The following ZNF397 variants were observed in gnomAD, a reference collection of about 807,000 sequenced individuals.
The protein encoded by ZNF397 is zinc finger and SCAN domain-containing protein 15.
ZNF397 carries 38 observed loss-of-function variants against 50.6 expected under a neutral mutation model. The ratio of observed to expected loss-of-function variants is 0.75; its 90% CI spans 0.58 to 0.98. The LOEUF (loss-of-function observed/expected upper bound fraction) is 0.98. Ranked by LOEUF, ZNF397 falls within the 50% of genes least tolerant of loss-of-function variation. The pLI, the probability that ZNF397 is intolerant of heterozygous loss-of-function variation, is 0.00. For synonymous variants in ZNF397, 228 were observed against 215.2 expected, an observed-to-expected ratio of 1.06 and a Z score of -0.52; for missense variants, 624 against 624.1, an observed-to-expected ratio of 1.00 and a Z score of 0.00.
chr18:35,241,865 T>C lies in ZNF397; in HGVS notation c.-80-526T>C, dbSNP rs979785290. On this transcript the variant is annotated intron_variant, in intron 1 of 3. Transcript: ENST00000330501. ...AATATTTACATCAACTCATGTTTAATGTGAACTTTTAAAAAAACGTTATTA... is the reference window on the plus strand; with the variant it reads ...AATATTTACATCAACTCATGTTTAACGTGAACTTTTAAAAAAACGTTATTA... 6.6e-5 allele frequency among the ~76,000 whole-genome samples: 10 copies of C among 152,360 alleles called. 1 individual carries two copies. The South Asian group carries it at 1.7e-3, about 25-fold the overall frequency.
chr18:35,243,242 C>T lies in ZNF397; in HGVS notation c.505C>T (p.Pro169Ser), dbSNP rs369217005. The change falls in exon 3 of 4, where the codon CCC becomes TCC. Residue 169 changes from proline to serine, a missense_variant. By Grantham distance (74) the Pro-to-Ser change is moderately conservative (BLOSUM62 -1). Transcript: ENST00000330501. ...AGAGTCAACAGACATCCACCTCCAG[C>T]CCTTAAAGACACAGCTGAAATCCTG... ...SQESTDIHLQ[P>S]LKTQLKSWKP... 1.9e-6 allele frequency: 3 copies of T among 1,614,082 alleles called. No homozygotes were observed. Among genetic ancestry groups the T allele is most frequent in the East Asian group, 2.2e-5 (1 of 44,894 alleles).
chr18:35,250,877 C>T (rs1163140496), downstream of ZNF397, among the ~76,000 whole-genome samples: 3 of 152,216 alleles, frequency 2.0e-5, no homozygotes, highest in Non-Finnish European at 2.9e-5. Context: ...TGCCCCCTCA[C>T]TTTGGTTAAC....
At chr18:35,242,990 C>T (rs753045006) in intron 2 of ZNF397, 106 bp downstream of exon 2, 22 of 1,483,182 alleles carry the variant, frequency 1.5e-5, no homozygotes, top group Non-Finnish European at 2.0e-5. Flanking sequence ...TGAACCCTAA[C>T]CTGAAGTGAC....
chr18:35,242,192 T>C (rs560001543), intron 1 of ZNF397, among the ~76,000 whole-genome samples, 199 bp from the exon 2 acceptor site: 1 of 152,356 alleles, frequency 6.6e-6, no homozygotes, highest in African/African-American at 2.4e-5. Context: ...TTTCTAACAT[T>C]AGTGGTAGGA....
chr18:35,245,782 T>G lies in ZNF397; in HGVS notation c.1077T>G (p.His359Gln). Residue 359 changes from histidine to glutamine, a missense_variant, in exon 4 of 4, where the codon CAT becomes CAG. By Grantham distance (24) the His-to-Gln change is conservative. Transcript: ENST00000330501. The stretch of plus-strand genomic sequence containing the variant: ...ATCAGAGCTCAGCCCTCATTAGACA[T>G]CGGAAAATCCATACTGGTGAGAAAG... ...AFNQSSALIR[H>Q]RKIHTGEKAC... 3 of 1,552,154 alleles carry G rather than the reference T, an allele frequency of 1.9e-6. No homozygotes were observed. The highest frequency in any genetic ancestry group is 2.6e-6 in the Non-Finnish European group (3 of 1,147,162).
In ZNF397 at chr18:35,242,474, G is replaced by A. The variant is rs1912581573; in HGVS notation, c.4G>A (p.Ala2Thr). 3.1e-6 allele frequency: 5 copies of A among 1,610,606 alleles called. No homozygotes were observed. Among genetic ancestry groups the A allele is most frequent in the Non-Finnish European group, 4.2e-6 (5 of 1,177,634 alleles). Reference protein sequence around the residue: MAVESGVISTLI... With the variant: MTVESGVISTLI... ...TGCTAAGCTGTTTCAGCCAAGAATG[G>A]CTGTGGAATCTGGAGTGATTTCAAC... The change falls in exon 2 of 4, where the codon GCT becomes ACT. Residue 2 changes from alanine (A) to threonine (T), a missense_variant. Coordinates refer to ENST00000330501, the MANE Select transcript of ZNF397 (RefSeq NM_001135178.3).
At position 35,245,401 on chromosome 18, in the gene ZNF397, G is replaced by C; in HGVS notation, c.696G>C (p.Glu232Asp). ...GGAAGCAAGGAAGTGCTACAGGGGA[G>C]AAACTAAGATCTCCTTCCCAAGGGG... ...LVWKQGSATGEKLRSPSQGGS... is the reference protein window; with the variant it reads ...LVWKQGSATGDKLRSPSQGGS... The change falls in exon 4 of 4, where the codon GAG becomes GAC. Residue 232 changes from glutamate to aspartate, a missense_variant. Coordinates refer to ENST00000330501, the MANE Select transcript of ZNF397 (RefSeq NM_001135178.3). The C allele has an allele frequency of 6.3e-7, 1 of 1,591,782 alleles. No individual in the cohort carries two copies. Among genetic ancestry groups the C allele is most frequent in the Non-Finnish European group, 8.6e-7 (1 of 1,168,626 alleles).
Position 35,245,286 on chromosome 18 carries a change from C to T in ZNF397, c.581C>T (p.Thr194Ile). ...KSDCENSETATKEGISEEKSQ... is the reference protein window; with the variant it reads ...KSDCENSETAIKEGISEEKSQ... ...GATTGTGAGAACAGTGAAACAGCAA[C>T]AAAAGAGGGCATCTCAGAAGAAAAA... Residue 194 changes from threonine to isoleucine, a missense_variant, in exon 4 of 4, where the codon ACA becomes ATA. Physicochemically the swap from Thr to Ile is moderately conservative, Grantham distance 89. Transcript: ENST00000330501. 1.2e-6 allele frequency: 2 copies of T among 1,606,780 alleles called. No homozygotes were observed. The highest frequency in any genetic ancestry group is 1.1e-5 in the South Asian group (1 of 90,216).
chr18:35,242,361 C>T (rs1440852798), intron 1 of ZNF397, 30 bp from the exon 2 acceptor site: 5 of 1,065,496 alleles, frequency 4.7e-6, no homozygotes, highest in African/African-American at 1.6e-5. Flanking sequence ...TTATTGATTG[C>T]TGTAAGTTAA....
chr18:35,254,298 C>T (rs1483028198), downstream of ZNF397: 3 of 1,613,950 alleles, frequency 1.9e-6, no homozygotes, highest in Non-Finnish European at 2.5e-6. Context: ...GGAAGTTTTC[C>T]CGGCGATATC....
intron 5 of ZNF397, chr18:35,255,676 C>T (rs1406713261): frequency 1.3e-5 from 2 of 154,304 alleles, no homozygotes; most frequent in African/African-American, 2.4e-5. Context: ...CACAACACTT[C>T]AAACACAACA....
At chr18:35,256,844 A>T (rs2043841126) in intron 5 of ZNF397, among the ~76,000 whole-genome samples, 1 of 152,152 alleles carries the variant, frequency 6.6e-6, no homozygotes, top group African/African-American at 2.4e-5. Flanking sequence ...TACAATTATC[A>T]GCCACTGCAG....
downstream of ZNF397, chr18:35,258,869 CAAAAAAAAAAAAAAAAAAA>C (rs71166053): frequency 2.3e-4 from 7 of 30,638 alleles, no homozygotes; most frequent in South Asian, 2.9e-3. Flanking sequence ...GACTCCATCT[CAAAAAAAAAAAAAAAAAAA>C]AAAAAAAAAA....
downstream of ZNF397, among the ~76,000 whole-genome samples, chr18:35,250,196 GATTA>G (rs1374110871): frequency 2.6e-5 from 4 of 152,188 alleles, no homozygotes; most frequent in African/African-American, 9.7e-5. Context: ...GGAGATCTTT[GATTA>G]TTAGAGTTTT....
At chr18:35,253,844 T>C (rs2043686095), downstream of ZNF397, 1 of 1,614,202 alleles carries the variant, frequency 6.2e-7, no homozygotes, top group Non-Finnish European at 8.5e-7. Flanking sequence ...CCTGAAGGCT[T>C]TTCCACATTC....
In ZNF397 at chr18:35,245,635, A is replaced by G; in HGVS notation, c.930A>G (p.Glu310=). 6.4e-7 allele frequency: 1 copy of G among 1,554,514 alleles called. No homozygotes were observed. Among genetic ancestry groups the G allele is most frequent in the Middle Eastern group, 1.7e-4 (1 of 5,998 alleles). ...LTQHQRIHTG[E]KPYKCNQCGK... is the part of the protein sequence containing the mutation. ...AACATCAGAGAATCCATACTGGAGA[A>G]AAGCCCTATAAATGTAACCAGTGTG... The change falls in exon 4 of 4, where the codon GAA becomes GAG. Residue 310 remains glutamate (E), a synonymous_variant. Transcript: ENST00000330501.
downstream of ZNF397, chr18:35,253,087 T>G (rs1326627054): frequency 1.1e-5 from 2 of 179,712 alleles, no homozygotes; most frequent in Non-Finnish European, 2.3e-5. Flanking sequence ...TGCCATCTTA[T>G]AAGAAGCTCT....
At position 35,243,243 on chromosome 18, in the gene ZNF397, C is replaced by G; in HGVS notation, c.506C>G (p.Pro169Arg). Residue 169 changes from proline to arginine, a missense_variant, in exon 3 of 4, where the codon CCC becomes CGC. Coordinates refer to ENST00000330501, the MANE Select transcript of ZNF397 (RefSeq NM_001135178.3). ...SQESTDIHLQ[P>R]LKTQLKSWKP... ...GAGTCAACAGACATCCACCTCCAGCCCTTAAAGACACAGCTGAAATCCTGG... is the reference window on the plus strand; with the variant it reads ...GAGTCAACAGACATCCACCTCCAGCGCTTAAAGACACAGCTGAAATCCTGG... 2 of 1,614,220 alleles carry G rather than the reference C, an allele frequency of 1.2e-6. No individual in the cohort carries two copies. The highest frequency in any genetic ancestry group is 1.7e-6 in the Non-Finnish European group (2 of 1,180,046).
In ZNF397 at chr18:35,246,989, A is replaced by C. The variant is rs189368834; in HGVS notation, c.*679A>C. ...ATGCTCCTATGTGACCTTAAGGAGC[A>C]CCTGACTCAGCCTTGGATAAGGAAA... On this transcript the variant is annotated 3_prime_UTR_variant, in exon 4 of 4. Coordinates refer to ENST00000330501, the MANE Select transcript of ZNF397 (RefSeq NM_001135178.3). 824 of 867,318 alleles carry C rather than the reference A, an allele frequency of 9.5e-4. 1 individual carries two copies. The highest frequency in any genetic ancestry group is 1.0e-3 in the Non-Finnish European group (758 of 722,314). The allele number at this position is 867,318 out of a possible 1,614,324, so 53.7% of individuals were successfully genotyped here. A position where few individuals can be genotyped will look rare whatever the true frequency, so the allele number is the denominator to read the frequency against.
Sources: allele counts gnomAD v4.1 joint callset (sites outside exome capture counted in the v4.1 genomes callset), GRCh38; gene constraint gnomAD v4.1.1; transcripts MANE v1.5; gene names NCBI Gene and HGNC (gene_info 2026-07-23, HGNC 2026-07-21).